Variants in PATJ observed in about 807,000 individuals in gnomAD.
PATJ encodes the protein inaD-like protein.
Under a neutral mutation model 224.9 loss-of-function variants are expected in PATJ, and 190 were observed. That is an observed-to-expected ratio of 0.84 (90% CI 0.75 to 0.95). The LOEUF (loss-of-function observed/expected upper bound fraction) is 0.95, where lower values mean the gene tolerates loss of function less well. Ranked by LOEUF, PATJ falls within the 40% of genes least tolerant of loss-of-function variation. The pLI is 0.00. For synonymous variants in PATJ, 769 were observed against 820.3 expected, an observed-to-expected ratio of 0.94 and a Z score of 1.07; for missense variants, 2,121 against 2,270.3, an observed-to-expected ratio of 0.93 and a Z score of 1.34.
intron 27 of PATJ, among the ~76,000 whole-genome samples, chr1:61,932,428 A>G (rs1676167076): frequency 6.6e-6 from 1 of 152,212 alleles, no homozygotes; most frequent in South Asian, 2.1e-4. Flanking sequence ...GAGCACTTCC[A>G]GGAGATTAGG....
intron 14 of PATJ, among the ~76,000 whole-genome samples, chr1:61,820,289 C>T (rs539173300): frequency 2.0e-5 from 3 of 152,222 alleles, no homozygotes; most frequent in East Asian, 3.9e-4. Flanking sequence ...CCACCCACAT[C>T]GGCCTCCCAA....
At chr1:61,888,372 G>T (rs1669168152) in intron 22 of PATJ, among the ~76,000 whole-genome samples, 2 of 152,104 alleles carry the variant, frequency 1.3e-5, no homozygotes, top group Non-Finnish European at 2.9e-5. Context: ...CGCTTCCCAG[G>T]TTCACACCAT....
chr1:61,838,152 A>G (rs1660483903), intron 17 of PATJ, among the ~76,000 whole-genome samples: 1 of 152,130 alleles, frequency 6.6e-6, no homozygotes, highest in African/African-American at 2.4e-5. Flanking sequence ...TTTGTTGGCT[A>G]TTATTTGAAC....
chr1:62,122,411 A>C (rs1665183469), intron 38 of PATJ, among the ~76,000 whole-genome samples: 1 of 150,908 alleles, frequency 6.6e-6, no homozygotes, highest in Admixed American at 6.6e-5. Flanking sequence ...AAAATGAGTC[A>C]TCCTCCAAGC....
At chr1:61,863,436 T>C (rs1354376499) in intron 19 of PATJ, among the ~76,000 whole-genome samples, 1 of 152,178 alleles carries the variant, frequency 6.6e-6, no homozygotes, top group Non-Finnish European at 1.5e-5. Flanking sequence ...TTCTTGGTAG[T>C]AAAGAATAAG....
At chr1:62,110,781 C>G (rs545309446) in intron 34 of PATJ, among the ~76,000 whole-genome samples, 1 of 152,220 alleles carries the variant, frequency 6.6e-6, no homozygotes, top group South Asian at 2.1e-4. Context: ...TCACCCACTT[C>G]CCCACATGGC....
chr1:61,815,462 A>T (rs1010963568), intron 14 of PATJ, among the ~76,000 whole-genome samples: 13 of 152,174 alleles, frequency 8.5e-5, no homozygotes, highest in African/African-American at 2.9e-4. Flanking sequence ...CCTCTGTCTC[A>T]TCAGCTTTCT....
intron 27 of PATJ, among the ~76,000 whole-genome samples, chr1:61,978,456 G>C (rs990344036): frequency 6.6e-6 from 1 of 151,864 alleles, no homozygotes. Context: ...GTAGAGAGGG[G>C]GTTGCTCCGT....
intron 14 of PATJ, among the ~76,000 whole-genome samples, chr1:61,820,333 T>G (rs1656998472): frequency 6.8e-6 from 1 of 147,812 alleles, no homozygotes; most frequent in African/African-American, 2.5e-5. Flanking sequence ...CCACCGTGCC[T>G]GGCCTATTTA....
intron 25 of PATJ, among the ~76,000 whole-genome samples, chr1:61,910,536 CTTTT>C (rs71050181): frequency 3.1e-4 from 13 of 42,268 alleles, no homozygotes; most frequent in African/African-American, 7.7e-4. Flanking sequence ...CAAAGTGACT[CTTTT>C]TTTTTTTTTT....
At chr1:61,768,742 A>G (rs939778819) in intron 4 of PATJ, among the ~76,000 whole-genome samples, 6 of 151,826 alleles carry the variant, frequency 4.0e-5, no homozygotes, top group Non-Finnish European at 5.9e-5. Flanking sequence ...TCCACAAAAA[A>G]TACAAAAATT....
At chr1:62,097,128 G>A (rs778674361) in intron 33 of PATJ, among the ~76,000 whole-genome samples, 4 of 152,100 alleles carry the variant, frequency 2.6e-5, no homozygotes, top group Non-Finnish European at 5.9e-5. Context: ...TAACTTAATG[G>A]AAGTATCATA....
chr1:61,954,270 A>G (rs548359815), intron 27 of PATJ, among the ~76,000 whole-genome samples: 41 of 152,298 alleles, frequency 2.7e-4, no homozygotes, highest in African/African-American at 8.7e-4. Context: ...CATTCAGTCA[A>G]TTTTAAAAGC....
intron 10 of PATJ, among the ~76,000 whole-genome samples, chr1:61,795,823 A>G (rs548905343): frequency 5.9e-5 from 9 of 152,316 alleles, no homozygotes; most frequent in African/African-American, 2.2e-4. Flanking sequence ...AAGATGTTCT[A>G]GCATTATCCT....
chr1:62,036,879 A>AAAAAAAAAAAAAAAAAAAAAAAAAAAG (rs1558074944), intron 29 of PATJ, among the ~76,000 whole-genome samples: 2 of 149,846 alleles, frequency 1.3e-5, no homozygotes, highest in Non-Finnish European at 3.0e-5. Context: ...CTCAAAAAAA[A>AAAAAAAAAAAAAAAAAAAAAAAAAAAG]AAGAAGGAAG....
intron 33 of PATJ, among the ~76,000 whole-genome samples, chr1:62,101,008 C>T (rs1327646000): frequency 6.6e-6 from 1 of 152,094 alleles, no homozygotes. Context: ...TAAAAGAAAG[C>T]ATAACCCTCA....
intron 27 of PATJ, among the ~76,000 whole-genome samples, chr1:61,980,437 TTGTGTGTGTGTGTGTGTGTGTGTGTGTG>T (rs148389720): frequency 7.7e-6 from 1 of 129,650 alleles, no homozygotes; most frequent in African/African-American, 3.0e-5. Flanking sequence ...CTTATATAAT[TTGTGTGTGTGTGTGTGTGTGTGTGTGTG>T]TGTGTGTGTG....
intron 7 of PATJ, among the ~76,000 whole-genome samples, chr1:61,782,767 C>T (rs1023437798): frequency 6.6e-6 from 1 of 152,178 alleles, no homozygotes; most frequent in Non-Finnish European, 1.5e-5. Flanking sequence ...TGAGAACATT[C>T]TATCAGTTGT....
At chr1:61,749,145 T>A (rs1052550760) in intron 1 of PATJ, among the ~76,000 whole-genome samples, 3 of 151,580 alleles carry the variant, frequency 2.0e-5, no homozygotes, top group African/African-American at 7.3e-5. Flanking sequence ...CCAGCTATTT[T>A]TTTTTTTTTT....
Sources: allele counts gnomAD v4.1 joint callset (sites outside exome capture counted in the v4.1 genomes callset), GRCh38; gene constraint gnomAD v4.1.1; transcripts MANE v1.5; gene names NCBI Gene and HGNC (gene_info 2026-07-23, HGNC 2026-07-21).